Variants in KIF21A observed in about 807,000 individuals in gnomAD.
KIF21A encodes the protein kinesin-like protein KIF21A.
A neutral mutation model predicts 202.9 loss-of-function variants in KIF21A; 114 were observed. The observed-to-expected ratio is 0.56, with a 90% CI of 0.48 to 0.66. The LOEUF is 0.66. Ranked by LOEUF, KIF21A falls within the 30% of genes least tolerant of loss-of-function variation. The probability of loss-of-function intolerance (pLI) is 0.00; values close to 1 mark genes in which losing one functional copy is unlikely to be tolerated. For missense variants in KIF21A, 1,677 were observed against 1,994.9 expected (o/e 0.84, Z 3.04); for synonymous variants, 667 against 670.8 (o/e 0.99, Z 0.09).
chr12:39,322,135 G>T (rs1945336087), intron 27 of KIF21A: 2 of 152,280 alleles, frequency 1.3e-5, no homozygotes, highest in African/African-American at 2.4e-5. Context: ...TATTTTTGGG[G>T]CATACACTCA....
chr12:39,339,166 C>T (rs1177906391), intron 16 of KIF21A, among the ~76,000 whole-genome samples: 1 of 149,552 alleles, frequency 6.7e-6, no homozygotes, highest in African/African-American at 2.5e-5. Flanking sequence ...ATAGTCCCAG[C>T]TACTGGGGAG....
chr12:39,325,923 A>T, intron 25 of KIF21A, 30 bp from the exon 26 acceptor site: 6 of 1,568,420 alleles, frequency 3.8e-6, no homozygotes, highest in Non-Finnish European at 5.3e-6. Context: ...TAAGCACAAG[A>T]TTAAATAGAA....
rs755738527 is a variant in KIF21A at position 39,332,664 on chromosome 12, C to T, written c.2783G>A (p.Arg928His). The change falls in exon 20 of 38, where the codon CGC becomes CAC. Residue 928 changes from arginine to histidine, a missense_variant. Coordinates refer to ENST00000361418, the MANE Select transcript of KIF21A (RefSeq NM_001173464.2). Reference sequence around the variant, plus strand: ...CTGCATGATGATGTCTGTGACCCTGCGCTCAAGGAGCTGCCACTTCATGCG... The same window carrying T: ...CTGCATGATGATGTCTGTGACCCTGTGCTCAAGGAGCTGCCACTTCATGCG... The part of the protein sequence containing the change: ...TARMKWQLLE[R>H]RVTDIIMQKM... 1.3e-5 allele frequency: 21 copies of T among 1,613,780 alleles called. No homozygotes were observed. The highest frequency in any genetic ancestry group is 5.0e-5 in the Admixed American group (3 of 59,990).
chr12:39,342,579 TC>T (rs1947533420), intron 12 of KIF21A, among the ~76,000 whole-genome samples: 2 of 152,172 alleles, frequency 1.3e-5, no homozygotes, highest in South Asian at 4.1e-4. Context: ...AATTTAAAGT[TC>T]CAGTTTAAAT....
At chr12:39,296,213 C>T (rs546000324) in intron 37 of KIF21A, among the ~76,000 whole-genome samples, 4 of 151,326 alleles carry the variant, frequency 2.6e-5, no homozygotes, top group East Asian at 3.9e-4. Context: ...GGACTACAGG[C>T]GCCCACCACC....
rs1334651917 is a variant in KIF21A at position 39,318,194 on chromosome 12, A to G, written c.3787T>C (p.Ser1263Pro). Residue 1263 changes from serine to proline, a missense_variant, in exon 29 of 38, where the codon TCT (serine) becomes CCT (proline). This residue lies in a region of KIF21A where 705 missense variants were observed against 791.9 expected (regional missense o/e 0.89). Transcript: ENST00000361418. Reference protein sequence around the residue: ...SKAKEQKHSDSGTSEASLSPP... With the variant: ...SKAKEQKHSDPGTSEASLSPP... ...GAAAGACTAGCCTCTGAAGTTCCAG[A>G]ATCTGAGCTACAAGAAAAAAAGAAC... The G allele has an allele frequency of 6.2e-7, 1 of 1,613,202 alleles. No homozygotes were observed. The highest frequency in any genetic ancestry group is 1.3e-5 in the African/African-American group (1 of 74,894).
chr12:39,392,158 A>T (rs1951411981), intron 1 of KIF21A, among the ~76,000 whole-genome samples: 1 of 152,222 alleles, frequency 6.6e-6, no homozygotes, highest in Admixed American at 6.5e-5. Flanking sequence ...GGGGATTAAA[A>T]GGATATTTCC....
chr12:39,367,589 TC>T (rs1353872835), intron 4 of KIF21A, among the ~76,000 whole-genome samples: 1 of 152,238 alleles, frequency 6.6e-6, no homozygotes, highest in Non-Finnish European at 1.5e-5. Flanking sequence ...GATTGTGGTC[TC>T]ATTCTTCACC....
rs1376290415 is a variant in KIF21A, at chr12:39,363,187, G to A, written c.930C>T (p.Ala310=). The change falls in exon 7 of 38, where the codon GCC becomes GCT. Residue 310 remains alanine (A), a synonymous_variant. Coordinates refer to ENST00000361418, the MANE Select transcript of KIF21A (RefSeq NM_001173464.2). The part of the protein sequence containing the change: ...GLLALGNVIS[A]LGDKSKRATH... ...TGGCCCTCTTGCTCTTGTCTCCCAA[G>A]GCACTTATTACATTGCCAAGTGCCA... The A allele has an allele frequency of 1.2e-6, 2 of 1,612,346 alleles. No individual in the cohort carries two copies. The highest frequency in any genetic ancestry group is 1.7e-6 in the Non-Finnish European group (2 of 1,178,934).
intron 12 of KIF21A, among the ~76,000 whole-genome samples, chr12:39,343,932 T>C (rs532873017): frequency 8.5e-5 from 13 of 152,230 alleles, no homozygotes; most frequent in African/African-American, 2.6e-4. Context: ...ACTAGCTCGG[T>C]TGGAGCAGAA....
intron 1 of KIF21A, among the ~76,000 whole-genome samples, chr12:39,376,405 T>A (rs974234848): frequency 4.6e-5 from 7 of 152,098 alleles, no homozygotes; most frequent in African/African-American, 9.7e-5. Flanking sequence ...AATATTATTA[T>A]CATTTTTTAT....
chr12:39,307,426 A>G (rs528236360), intron 34 of KIF21A, 139 bp downstream of exon 34: 1 of 706,702 alleles, frequency 1.4e-6, no homozygotes, highest in Admixed American at 2.4e-5. Context: ...ATTTAGAGGT[A>G]CTATGCTGAA....
chr12:39,341,492 A>G lies in KIF21A; in HGVS notation c.1921+13T>C. On this transcript the variant is annotated intron_variant, in intron 14 of 37. Coordinates refer to ENST00000361418, the MANE Select transcript of KIF21A (RefSeq NM_001173464.2). ...CAAAATGAATTTTTGCCCTTATACC[A>G]AAGGGCAAGTACCTTTTTCATCTGA... 6.2e-7 allele frequency: 1 copy of G among 1,611,206 alleles called. No homozygotes were observed. The highest frequency in any genetic ancestry group is 8.5e-7 in the Non-Finnish European group (1 of 1,178,364).
intron 12 of KIF21A, 34 bp downstream of exon 12, chr12:39,346,432 A>G (rs1947897690): frequency 7.0e-7 from 1 of 1,427,176 alleles, no homozygotes; most frequent in Non-Finnish European, 9.2e-7. Context: ...TATTTAAACG[A>G]CATTTTAATA....
intron 14 of KIF21A, 102 bp downstream of exon 14, chr12:39,341,403 T>C (rs1037105505): frequency 3.4e-6 from 4 of 1,163,298 alleles, no homozygotes; most frequent in East Asian, 2.3e-5. Flanking sequence ...GTCACAGAAG[T>C]TTCTTTCATC....
At chr12:39,326,345 T>A (rs769930888) in intron 24 of KIF21A, 21 bp from the exon 25 acceptor site, 2 of 1,558,806 alleles carry the variant, frequency 1.3e-6, no homozygotes, top group Non-Finnish European at 1.8e-6. Flanking sequence ...ATGTTTAAAA[T>A]GTAAGCATTA....
chr12:39,411,040 T>C (rs539277058), intron 1 of KIF21A, among the ~76,000 whole-genome samples: 1 of 152,316 alleles, frequency 6.6e-6, no homozygotes, highest in South Asian at 2.1e-4. Context: ...CACCAATTCC[T>C]GCCTCTCTTC....
At chr12:39,337,037 T>G in intron 17 of KIF21A, 59 bp downstream of exon 17, 1 of 1,199,188 alleles carries the variant, frequency 8.3e-7, no homozygotes, top group Non-Finnish European at 1.2e-6. Flanking sequence ...CTCCATTTAT[T>G]AAACAATCTT....
intron 34 of KIF21A, among the ~76,000 whole-genome samples, chr12:39,306,093 G>A (rs907842307): frequency 3.9e-5 from 6 of 152,038 alleles, no homozygotes; most frequent in Non-Finnish European, 7.4e-5. Flanking sequence ...ATGAACCTTC[G>A]TTTCACAGTC....
Sources: allele counts gnomAD v4.1 joint callset (sites outside exome capture counted in the v4.1 genomes callset), GRCh38; gene constraint gnomAD v4.1.1; regional missense constraint gnomAD v4.1.1; transcripts MANE v1.5; gene names NCBI Gene and HGNC (gene_info 2026-07-23, HGNC 2026-07-21).